The following THAP4 variants were observed in gnomAD, a reference collection of about 807,000 sequenced individuals.
THAP4 encodes the protein THAP domain containing 4.
THAP4 carries 18 observed loss-of-function variants against 48.1 expected under a neutral mutation model. The ratio of observed to expected loss-of-function variants is 0.37; its 90% CI spans 0.26 to 0.56. The LOEUF (loss-of-function observed/expected upper bound fraction) is 0.56, where lower values mean the gene tolerates loss of function less well. Among genes scored for constraint, THAP4 ranks in the 20% least tolerant of loss-of-function variants. The pLI, the probability that THAP4 is intolerant of heterozygous loss-of-function variation, is 0.78. For synonymous variants in THAP4, 345 were observed against 324.9 expected (o/e 1.06, Z -0.66); for missense variants, 656 against 774.9 (o/e 0.85, Z 1.82).
chr2:241,593,829 G>A (rs1170212056), intron 5 of THAP4, among the ~76,000 whole-genome samples: 3 of 152,166 alleles, frequency 2.0e-5, no homozygotes, highest in African/African-American at 7.2e-5. Flanking sequence ...TGGAACTACA[G>A]GCATGCCTCC....
chr2:241,607,297 G>A (rs904290957), intron 2 of THAP4, among the ~76,000 whole-genome samples: 47 of 152,018 alleles, frequency 3.1e-4, no homozygotes, highest in African/African-American at 1.1e-3. Flanking sequence ...TTCCTGCCTC[G>A]CTCAGCAAGG....
intron 2 of THAP4, among the ~76,000 whole-genome samples, chr2:241,628,736 CAA>C (rs11411349): frequency 8.0e-6 from 1 of 125,522 alleles, no homozygotes; most frequent in African/African-American, 2.9e-5. Flanking sequence ...CCCATCTCTA[CAA>C]AAAAAAAAAC....
At chr2:241,631,908 T>TC (rs1215988759) in intron 2 of THAP4, among the ~76,000 whole-genome samples, 1 of 151,454 alleles carries the variant, frequency 6.6e-6, no homozygotes, top group Non-Finnish European at 1.5e-5. Context: ...TTTTTTTTTT[T>TC]CTCTTTTGAG....
intron 2 of THAP4, among the ~76,000 whole-genome samples, 177 bp from the exon 3 acceptor site, chr2:241,606,650 C>T (rs993603403): frequency 1.3e-5 from 2 of 152,184 alleles, no homozygotes; most frequent in Admixed American, 6.5e-5. Flanking sequence ...AGTGAAAGAT[C>T]CAGCTTCAGA....
At chr2:241,596,390 C>A (rs1192642857) in intron 5 of THAP4, among the ~76,000 whole-genome samples, 6 of 150,284 alleles carry the variant, frequency 4.0e-5, no homozygotes, top group Non-Finnish European at 8.9e-5. Flanking sequence ...GCCTGTAATC[C>A]CAGCTACTTA....
Position 241,601,477 on chromosome 2 carries a change from T to C in THAP4, c.1614+419A>G, listed in dbSNP as rs1380539438. 6.6e-6 allele frequency among the ~76,000 whole-genome samples: 1 copy of C among 151,892 alleles called. No homozygotes were observed. The highest frequency in any genetic ancestry group is 1.5e-5 in the Non-Finnish European group (1 of 67,968). On this transcript the variant is annotated intron_variant, in intron 5 of 5. Coordinates refer to ENST00000407315, the MANE Select transcript of THAP4 (RefSeq NM_015963.6). This position sits in a 1 kb window ranked among gnomAD's most constrained non-coding sequence, Gnocchi z 4.0. ...GAAAATACACCATGTTGTTAAGGAG[T>C]AGGGAACCAGCTGCCCTCATGCAAG...
In THAP4 at chr2:241,616,986, C is replaced by T. The variant is rs748523823; in HGVS notation, c.1241-10513G>A. 1.3e-5 allele frequency among the ~76,000 whole-genome samples: 2 copies of T among 152,190 alleles called. No individual in the cohort carries two copies. The highest frequency in any genetic ancestry group is 2.9e-5 in the Non-Finnish European group (2 of 68,032). ...GCTCCCCCTGCACCCTCCACCACTTCGGGCCGCGTGGAACGTGGCAGCAGC... is the reference window on the plus strand; with the variant it reads ...GCTCCCCCTGCACCCTCCACCACTTTGGGCCGCGTGGAACGTGGCAGCAGC... On this transcript the variant is annotated intron_variant, in intron 2 of 5. Transcript: ENST00000407315. This position sits in a 1 kb window ranked among gnomAD's most constrained non-coding sequence, Gnocchi z 4.6.
intron 3 of THAP4, among the ~76,000 whole-genome samples, chr2:241,605,227 T>G (rs2067164775): frequency 1.3e-5 from 2 of 152,246 alleles, no homozygotes; most frequent in East Asian, 1.9e-4. Flanking sequence ...TTAAAAACAA[T>G]GAGATCTTCT....
chr2:241,626,453 A>AAAAAC (rs896207279), intron 2 of THAP4, among the ~76,000 whole-genome samples: 6 of 152,294 alleles, frequency 3.9e-5, no homozygotes, highest in Admixed American at 3.3e-4. Context: ...AAACAAAAAC[A>AAAAAC]AAAACAAAAC....
intron 2 of THAP4, among the ~76,000 whole-genome samples, chr2:241,611,038 C>T (rs1466302729): frequency 1.3e-5 from 2 of 152,204 alleles, no homozygotes; most frequent in African/African-American, 2.4e-5. Flanking sequence ...AACCTTTTCC[C>T]TGAACTTGAT....
intron 5 of THAP4, among the ~76,000 whole-genome samples, chr2:241,590,336 C>G (rs1175978747): frequency 2.0e-4 from 30 of 150,960 alleles, no homozygotes; most frequent in African/African-American, 7.1e-4. Context: ...AGCTGCCCGG[C>G]TGATGATGAT....
chr2:241,588,452 A>G (rs2066917990), intron 5 of THAP4, among the ~76,000 whole-genome samples: 1 of 152,224 alleles, frequency 6.6e-6, no homozygotes, highest in African/African-American at 2.4e-5. Flanking sequence ...AGGAAATGCA[A>G]AGGGTCCTAG....
chr2:241,600,088 C>T (rs1387568477), intron 5 of THAP4, among the ~76,000 whole-genome samples: 3 of 151,884 alleles, frequency 2.0e-5, no homozygotes, highest in African/African-American at 7.3e-5. Context: ...CCCAGCTACT[C>T]GGGAGGCTGA....
rs2067107403 is a variant in THAP4, at chr2:241,601,091, C to T, written c.1614+805G>A. Among the ~76,000 whole-genome samples the T allele has an allele frequency of 6.6e-6, 1 of 152,098 alleles. No homozygotes were observed. Among genetic ancestry groups the T allele is most frequent in the Non-Finnish European group, 1.5e-5 (1 of 68,032 alleles). Reference sequence around the variant, plus strand: ...GTCAGGAATTCAAGACCAGCCTGACCAACATGGAGAAACCCTGTCTCTACT... The same window carrying T: ...GTCAGGAATTCAAGACCAGCCTGACTAACATGGAGAAACCCTGTCTCTACT... On this transcript the variant is annotated intron_variant, in intron 5 of 5. Transcript: ENST00000407315. The surrounding 1 kb of genome is among the most constrained non-coding windows in gnomAD (Gnocchi z 4.0).
At chr2:241,628,816 T>C (rs2067524423) in intron 2 of THAP4, among the ~76,000 whole-genome samples, 1 of 148,864 alleles carries the variant, frequency 6.7e-6, no homozygotes. Flanking sequence ...GGCACATGCC[T>C]GTAGTCCCAG....
At chr2:241,611,763 T>C (rs2067280828) in intron 2 of THAP4, among the ~76,000 whole-genome samples, 1 of 150,976 alleles carries the variant, frequency 6.6e-6, no homozygotes, top group Non-Finnish European at 1.5e-5. Context: ...AAAGGCATGC[T>C]GCTCCTGAAG....
At chr2:241,590,148 G>A (rs553297880) in intron 5 of THAP4, among the ~76,000 whole-genome samples, 1 of 147,940 alleles carries the variant, frequency 6.8e-6, no homozygotes, top group African/African-American at 2.5e-5. Context: ...CTCGGCTGAT[G>A]ATAATGGGCA....
chr2:241,624,963 G>C (rs1053832468), intron 2 of THAP4, among the ~76,000 whole-genome samples: 2 of 152,194 alleles, frequency 1.3e-5, no homozygotes, highest in Non-Finnish European at 2.9e-5. Context: ...CTGGGGCAGA[G>C]ACTAAATATA....
At chr2:241,628,551 G>C (rs1415263883) in intron 2 of THAP4, among the ~76,000 whole-genome samples, 1 of 151,798 alleles carries the variant, frequency 6.6e-6, no homozygotes, top group East Asian at 1.9e-4. Context: ...AACCCAGCCA[G>C]TACTCCAGCA....
Sources: allele counts gnomAD v4.1 joint callset (sites outside exome capture counted in the v4.1 genomes callset), GRCh38; gene constraint gnomAD v4.1.1; non-coding constraint Gnocchi (gnomAD v3.1); transcripts MANE v1.5; gene names NCBI Gene and HGNC (gene_info 2026-07-23, HGNC 2026-07-21).